The following ATP9B variants were observed in gnomAD, a reference collection of about 807,000 sequenced individuals.
The protein encoded by ATP9B is ATPase phospholipid transporting 9B.
Under a neutral mutation model 146.1 loss-of-function variants are expected in ATP9B, and 110 were observed. The ratio of observed to expected loss-of-function variants is 0.75; its 90% CI spans 0.65 to 0.88. The LOEUF (loss-of-function observed/expected upper bound fraction) is 0.88. Ranked by LOEUF, ATP9B falls within the 40% of genes least tolerant of loss-of-function variation. The pLI is 0.00. For missense variants in ATP9B, 1,499 were observed against 1,496.4 expected, an observed-to-expected ratio of 1.00 and a Z score of -0.03; for synonymous variants, 604 against 569.7, an observed-to-expected ratio of 1.06 and a Z score of -0.86.
At chr18:79,195,089 A>G (rs1349085596) in intron 9 of ATP9B, among the ~76,000 whole-genome samples, 1 of 152,194 alleles carries the variant, frequency 6.6e-6, no homozygotes, top group Non-Finnish European at 1.5e-5. Context: ...AATAACCATC[A>G]GAAGAGTCAG....
At chr18:79,350,604 T>C (rs1225779083) in intron 25 of ATP9B, among the ~76,000 whole-genome samples, 1 of 152,150 alleles carries the variant, frequency 6.6e-6, no homozygotes, top group Non-Finnish European at 1.5e-5. Flanking sequence ...TTGATGGAAA[T>C]GGTGGTAGGA....
intron 11 of ATP9B, among the ~76,000 whole-genome samples, chr18:79,233,460 G>A (rs2095811125): frequency 6.6e-6 from 1 of 152,186 alleles, no homozygotes; most frequent in Admixed American, 6.6e-5. Flanking sequence ...ACACCCTGGT[G>A]TATAATATTC....
At chr18:79,193,332 C>G in intron 9 of ATP9B, 69 bp downstream of exon 9, 2 of 1,236,004 alleles carry the variant, frequency 1.6e-6, no homozygotes, top group Non-Finnish European at 2.4e-6. Flanking sequence ...ACCTTTGAGA[C>G]AGTAATTCAA....
At chr18:79,242,801 C>T (rs1005738875) in intron 11 of ATP9B, among the ~76,000 whole-genome samples, 2 of 152,158 alleles carry the variant, frequency 1.3e-5, no homozygotes, top group African/African-American at 4.8e-5. Flanking sequence ...TCTCTGAAGA[C>T]ATAAAGTAAC....
rs1243669851 is a variant in ATP9B, at chr18:79,241,319, G to A, written c.1108-12062G>A. ...TCTCTTGCTGCCCCTCCTCTGTTAT[G>A]GCCTCGCTACCTAGGGTGATACTTA... On this transcript the variant is annotated intron_variant, in intron 11 of 29. Transcript: ENST00000426216. Among the ~76,000 whole-genome samples the A allele has an allele frequency of 2.6e-5, 4 of 152,030 alleles. No individual in the cohort carries two copies. The South Asian group carries it at 8.3e-4, about 32-fold the overall frequency.
At chr18:79,253,265 C>T in intron 11 of ATP9B, 116 bp from the exon 12 acceptor site, 1 of 890,144 alleles carries the variant, frequency 1.1e-6, no homozygotes. Flanking sequence ...ATAATAAAGG[C>T]TAATACCAAT....
intron 1 of ATP9B, among the ~76,000 whole-genome samples, chr18:79,091,214 G>A (rs1204521776): frequency 6.6e-6 from 1 of 152,150 alleles, no homozygotes; most frequent in Non-Finnish European, 1.5e-5. Flanking sequence ...GTTAGGTAAT[G>A]TGATTCCTCC....
intron 8 of ATP9B, among the ~76,000 whole-genome samples, chr18:79,188,685 G>A (rs1463713217): frequency 4.6e-5 from 7 of 152,138 alleles, no homozygotes; most frequent in Non-Finnish European, 1.0e-4. Context: ...TTTCAACTGA[G>A]CTTATCAAAT....
chr18:79,345,941 TGC>T, intron 23 of ATP9B, 102 bp downstream of exon 23: 1 of 1,311,148 alleles, frequency 7.6e-7, no homozygotes, highest in African/African-American at 1.4e-5. Context: ...ACTTGGTCAG[TGC>T]ACGTCAGCAT....
At chr18:79,090,366 T>C (rs2074219243) in intron 1 of ATP9B, among the ~76,000 whole-genome samples, 1 of 152,334 alleles carries the variant, frequency 6.6e-6, no homozygotes, top group Middle Eastern at 3.4e-3. Flanking sequence ...TCCACAGTGA[T>C]TGTACTAATT....
At chr18:79,208,142 G>T (rs1012056986) in intron 10 of ATP9B, among the ~76,000 whole-genome samples, 2 of 152,184 alleles carry the variant, frequency 1.3e-5, no homozygotes, top group African/African-American at 4.8e-5. Flanking sequence ...CTACTCGGGG[G>T]GCTGAGGCAG....
chr18:79,121,803 T>A (rs969001465), intron 4 of ATP9B, among the ~76,000 whole-genome samples: 2 of 152,192 alleles, frequency 1.3e-5, no homozygotes, highest in Non-Finnish European at 2.9e-5. Flanking sequence ...GTGACCAGGA[T>A]CTTGTTTCCT....
intron 4 of ATP9B, among the ~76,000 whole-genome samples, chr18:79,122,724 CA>C (rs1266559960): frequency 3.9e-5 from 6 of 152,110 alleles, no homozygotes; most frequent in Admixed American, 3.9e-4. Flanking sequence ...TTTGGCTTTT[CA>C]TATTCATTTT....
At chr18:79,311,900 T>C (rs946914502) in intron 15 of ATP9B, among the ~76,000 whole-genome samples, 2 of 152,208 alleles carry the variant, frequency 1.3e-5, no homozygotes, top group African/African-American at 2.4e-5. Context: ...CTGTGTTTCA[T>C]TGAGCCTTTC....
intron 13 of ATP9B, among the ~76,000 whole-genome samples, chr18:79,294,386 C>G (rs746845969): frequency 6.6e-6 from 1 of 152,232 alleles, no homozygotes; most frequent in Non-Finnish European, 1.5e-5. Flanking sequence ...GAAGGACGCT[C>G]CCTGCGCTGC....
chr18:79,098,799 A>G (rs890382880), intron 2 of ATP9B, among the ~76,000 whole-genome samples: 1 of 152,266 alleles, frequency 6.6e-6, no homozygotes, highest in East Asian at 1.9e-4. Context: ...CACATGTCAC[A>G]TTTAGGTGGC....
chr18:79,323,621 G>A (rs1042632957), intron 15 of ATP9B, among the ~76,000 whole-genome samples: 17 of 152,176 alleles, frequency 1.1e-4, no homozygotes, highest in Non-Finnish European at 8.8e-5. Context: ...CATTCACATT[G>A]TTGTAGATGA....
chr18:79,349,806 C>G (rs147955414), intron 25 of ATP9B, among the ~76,000 whole-genome samples: 165 of 152,202 alleles, frequency 1.1e-3, no homozygotes, highest in Middle Eastern at 6.8e-3. Flanking sequence ...CAGGTCCTCT[C>G]TGTCCTCTGG....
At chr18:79,312,382 G>A (rs1413586818) in intron 15 of ATP9B, among the ~76,000 whole-genome samples, 1 of 152,250 alleles carries the variant, frequency 6.6e-6, no homozygotes, top group African/African-American at 2.4e-5. Flanking sequence ...CGCCAAGCTT[G>A]TATGGAGCTG....
Sources: allele counts gnomAD v4.1 joint callset (sites outside exome capture counted in the v4.1 genomes callset), GRCh38; gene constraint gnomAD v4.1.1; transcripts MANE v1.5; gene names NCBI Gene and HGNC (gene_info 2026-07-23, HGNC 2026-07-21).